The following LDOC1 variants were observed in gnomAD, a reference collection of about 807,000 sequenced individuals.
LDOC1 encodes the protein protein LDOC1.
In LDOC1, 1 loss-of-function variant was observed where a neutral mutation model predicts 4.9. The ratio of observed to expected loss-of-function variants is 0.20; its 90% CI spans 0.07 to 0.96. LDOC1 has a LOEUF of 0.96. Among genes scored for constraint, LDOC1 ranks in the 40% least tolerant of loss-of-function variants. The pLI is 0.62. For synonymous variants in LDOC1, 55 were observed against 58.3 expected (o/e 0.94, Z 0.26); for missense variants, 76 against 128.1 (o/e 0.59, Z 1.96).
chrX:141,176,394 A>T lies in LDOC1; in HGVS notation c.*187T>A. 1 of 551,384 alleles carries T rather than the reference A, an allele frequency of 1.8e-6. No individual in the cohort carries two copies. The highest frequency in any genetic ancestry group is 2.8e-6 in the Non-Finnish European group (1 of 353,975). 45.4% of individuals were successfully genotyped at this position (551,384 alleles called of 1,213,427 possible). A position where few individuals can be genotyped will look rare whatever the true frequency, so the allele number is the denominator to read the frequency against. On this transcript the variant is annotated 3_prime_UTR_variant, in exon 1 of 1. Coordinates refer to ENST00000370526, the MANE Select transcript of LDOC1 (RefSeq NM_012317.4). ...CCAGCCCCGACCCCAGCAGCAGGTA[A>T]CTGGAGCGCTATTCCTGGAACAAAG...
Position 141,173,634 on chromosome X carries a change from G to C in LDOC1, c.*2947C>G, listed in dbSNP as rs944350703. 7 of 111,607 alleles carry C rather than the reference G, an allele frequency of 6.3e-5. No homozygotes were observed. Among genetic ancestry groups the C allele is most frequent in the Non-Finnish European group, 1.1e-4 (6 of 53,209 alleles). 9.2% of individuals were successfully genotyped at this position (111,607 alleles called of 1,213,427 possible). ...ACATCACTTAACACACACACACACA[G>C]AGCACACACATACTGGGTCACAGCA... On this transcript the variant is annotated 3_prime_UTR_variant, in exon 1 of 1. Transcript: ENST00000370526.
chrX:141,176,493 A>G lies in LDOC1; in HGVS notation c.*88T>C, dbSNP rs1556283411. Reference sequence around the variant, plus strand: ...GTAAGGGGACCGGAGGGCAAGGGGGAGAGCAGTGGCTCCTGGCGGGGTGAG... The same window carrying G: ...GTAAGGGGACCGGAGGGCAAGGGGGGGAGCAGTGGCTCCTGGCGGGGTGAG... On this transcript the variant is annotated 3_prime_UTR_variant, in exon 1 of 1. Coordinates refer to ENST00000370526, the MANE Select transcript of LDOC1 (RefSeq NM_012317.4). 7.3e-6 allele frequency: 8 copies of G among 1,096,951 alleles called. No individual in the cohort carries two copies. The African/African-American group carries it at 1.5e-4, about 20-fold the overall frequency. The allele number at this position is 1,096,951 out of a possible 1,213,427, so 90.4% of individuals were successfully genotyped here.
rs2013620633 is a variant in LDOC1 at position 141,176,680 on chromosome X, G to A, written c.342C>T (p.Ile114=). ...VVPYIEMDSP[I]LGDYRAFLDE... ...CGAGGAAGGCCCGGTAATCACCTAG[G>A]ATGGGGCTATCCATCTCGATGTAGG... The change falls in exon 1 of 1, where the codon ATC becomes ATT. Residue 114 remains isoleucine, a synonymous_variant. Transcript: ENST00000370526. The A allele has an allele frequency of 5.8e-6, 7 of 1,212,161 alleles. No individual in the cohort carries two copies. The highest frequency in any genetic ancestry group is 7.8e-6 in the Non-Finnish European group (7 of 895,564).
At position 141,174,185 on chromosome X, in the gene LDOC1, A is replaced by G. The variant is rs781927481; in HGVS notation, c.*2396T>C. On this transcript the variant is annotated 3_prime_UTR_variant, in exon 1 of 1. Coordinates refer to ENST00000370526, the MANE Select transcript of LDOC1 (RefSeq NM_012317.4). The stretch of plus-strand genomic sequence containing the variant: ...ATCTCTCTCTTCCAAGGGGTTTTGT[A>G]TATTTTCCAAGGAGACTGGGAGAAG... Among the ~76,000 whole-genome samples, 3 of 111,606 alleles carry G rather than the reference A, an allele frequency of 2.7e-5. No homozygotes were observed. Among genetic ancestry groups the G allele is most frequent in the African/African-American group, 9.8e-5 (3 of 30,725 alleles).
rs781855022 is a variant in LDOC1, at chrX:141,176,737, G to A, written c.285C>T (p.Leu95=). ...CCCACTCCTCGGCTTCCCCGGTGAG[G>A]AGGCTGATTAGGAATGCCACCTTCA... ...DAMKVAFLIS[L]LTGEAEEWVV... Residue 95 remains leucine, a synonymous_variant, in exon 1 of 1, where the codon CTC becomes CTT. Transcript: ENST00000370526. 3 of 1,212,289 alleles carry A rather than the reference G, an allele frequency of 2.5e-6. No homozygotes were observed. The highest frequency in any genetic ancestry group is 4.3e-5 in the Admixed American group (2 of 46,154).
Position 141,174,760 on chromosome X carries a change from A to G in LDOC1, c.*1821T>C, listed in dbSNP as rs2013599108. ...GTACAAATACAATATCTTGCCTCAA[A>G]AGGCCTTAAACAGTACGGAAATGTG... On this transcript the variant is annotated 3_prime_UTR_variant, in exon 1 of 1. Coordinates refer to ENST00000370526, the MANE Select transcript of LDOC1 (RefSeq NM_012317.4). Among the ~76,000 whole-genome samples the G allele has an allele frequency of 8.9e-6, 1 of 112,528 alleles. No individual in the cohort carries two copies. The highest frequency in any genetic ancestry group is 1.9e-5 in the Non-Finnish European group (1 of 53,329).
Position 141,176,232 on chromosome X carries a change from A to C in LDOC1, c.*349T>G. ...CAGGGCAGGTGGCAGCAGCAGGGCT[A>C]CGGGTGGTCTGCGCAGTTTGTAACA... On this transcript the variant is annotated 3_prime_UTR_variant, in exon 1 of 1. Transcript: ENST00000370526. 2.3e-5 allele frequency: 6 copies of C among 257,595 alleles called. No individual in the cohort carries two copies. Among genetic ancestry groups the C allele is most frequent in the Non-Finnish European group, 2.1e-5 (3 of 143,538 alleles). The allele number at this position is 257,595 out of a possible 1,213,427, so 21.2% of individuals were successfully genotyped here.
rs1442670713 is a variant in LDOC1 at position 141,176,837 on chromosome X, G to A, written c.185C>T (p.Ser62Phe). Residue 62 changes from serine to phenylalanine, a missense_variant, in exon 1 of 1, where the codon TCC (serine) becomes TTC (phenylalanine). Ser to Phe is a radical substitution (Grantham distance 155, BLOSUM62 -2). Coordinates refer to ENST00000370526, the MANE Select transcript of LDOC1 (RefSeq NM_012317.4). ...PFPETFNGES[S>F]RLPEFIVQTA... ...CTGCACGATAAACTCGGGGAGCCGG[G>A]AGCTCTCGCCATTAAACGTTTCGGG... The A allele has an allele frequency of 8.3e-7, 1 of 1,211,913 alleles. No homozygotes were observed. Among genetic ancestry groups the A allele is most frequent in the East Asian group, 3.0e-5 (1 of 33,797 alleles).
At position 141,175,079 on chromosome X, in the gene LDOC1, G is replaced by A. The variant is rs984459867; in HGVS notation, c.*1502C>T. On this transcript the variant is annotated 3_prime_UTR_variant, in exon 1 of 1. Transcript: ENST00000370526. ...GCATAGCCCCTAGATAGCAGTACAA[G>A]GTCTGATTTAAGAGATAACCAAGCA... is the stretch of plus-strand genomic sequence containing the variant. Among the ~76,000 whole-genome samples, 9 of 111,755 alleles carry A rather than the reference G, an allele frequency of 8.1e-5. No homozygotes were observed. Among genetic ancestry groups the A allele is most frequent in the African/African-American group, 2.9e-4 (9 of 30,729 alleles).
Position 141,175,215 on chromosome X carries a change from G to A in LDOC1, c.*1366C>T, listed in dbSNP as rs139662400. Among the ~76,000 whole-genome samples the A allele has an allele frequency of 7.4e-3, 824 of 112,065 alleles. 10 individuals carry two copies. The highest frequency in any genetic ancestry group is 0.026 in the African/African-American group (792 of 30,841). Reference sequence around the variant, plus strand: ...TGTTAAGATCAGGCTATATCTTTATGGGTGCACTTGCCCAGGATCCGGGAC... The same window carrying A: ...TGTTAAGATCAGGCTATATCTTTATAGGTGCACTTGCCCAGGATCCGGGAC... On this transcript the variant is annotated 3_prime_UTR_variant, in exon 1 of 1. Transcript: ENST00000370526.
rs1556282656 is a variant in LDOC1, at chrX:141,173,892, TC to T, written c.*2688del. Among the ~76,000 whole-genome samples the T allele has an allele frequency of 9.0e-6, 1 of 111,544 alleles. No homozygotes were observed. The highest frequency in any genetic ancestry group is 2.8e-4 in the East Asian group (1 of 3,530). On this transcript the variant is annotated 3_prime_UTR_variant, in exon 1 of 1. Coordinates refer to ENST00000370526, the MANE Select transcript of LDOC1 (RefSeq NM_012317.4). ...CTTCCTGGCCCTTTCCTGTAACTAATCATCAAAGTTCTGACCCAGGGCACAG... is the reference window on the plus strand; with the variant it reads ...CTTCCTGGCCCTTTCCTGTAACTAATATCAAAGTTCTGACCCAGGGCACAG...
At position 141,175,134 on chromosome X, in the gene LDOC1, G is replaced by A. The variant is rs782192350; in HGVS notation, c.*1447C>T. Among the ~76,000 whole-genome samples the A allele has an allele frequency of 2.7e-5, 3 of 111,931 alleles. No homozygotes were observed. In the Admixed American group the frequency reaches 2.9e-4, roughly 11 times the overall value. On this transcript the variant is annotated 3_prime_UTR_variant, in exon 1 of 1. Transcript: ENST00000370526. Reference sequence around the variant, plus strand: ...GCTAATTTCCATAGGGAGGAATCTGGGACACATCTATGAGTGGGAATTCTA... The same window carrying A: ...GCTAATTTCCATAGGGAGGAATCTGAGACACATCTATGAGTGGGAATTCTA...
chrX:141,177,016 C>T lies in LDOC1; in HGVS notation c.6G>A (p.Val2=), dbSNP rs2148479518. 1.7e-6 allele frequency: 2 copies of T among 1,202,358 alleles called. No individual in the cohort carries two copies. The highest frequency in any genetic ancestry group is 2.2e-6 in the Non-Finnish European group (2 of 889,400). ...CGTGCAGCAGCAGCACCAACTCATC[C>T]ACCATTGCGAACGGCCTGGAAGGAC... is the stretch of plus-strand genomic sequence containing the variant. M[V]DELVLLLHAL... Residue 2 remains valine, a synonymous_variant, in exon 1 of 1, where the codon GTG becomes GTA. Transcript: ENST00000370526.
chrX:141,176,430 C>A lies in LDOC1; in HGVS notation c.*151G>T, dbSNP rs373818858. The A allele has an allele frequency of 4.3e-6, 3 of 691,477 alleles. No individual in the cohort carries two copies. The South Asian group carries it at 8.7e-5, about 20-fold the overall frequency. The allele number at this position is 691,477 out of a possible 1,213,427, so 57.0% of individuals were successfully genotyped here. On this transcript the variant is annotated 3_prime_UTR_variant, in exon 1 of 1. Coordinates refer to ENST00000370526, the MANE Select transcript of LDOC1 (RefSeq NM_012317.4). ...ATTCCTGGAACAAAGACAAGCACTA[C>A]GGAGAAATGAAGAGAGAGAGCAGAC...
At position 141,176,236 on chromosome X, in the gene LDOC1, G is replaced by A; in HGVS notation, c.*345C>T. On this transcript the variant is annotated 3_prime_UTR_variant, in exon 1 of 1. Transcript: ENST00000370526. ...GCAGGTGGCAGCAGCAGGGCTACGGGTGGTCTGCGCAGTTTGTAACAGGGG... is the reference window on the plus strand; with the variant it reads ...GCAGGTGGCAGCAGCAGGGCTACGGATGGTCTGCGCAGTTTGTAACAGGGG... 1 of 274,114 alleles carries A rather than the reference G, an allele frequency of 3.6e-6. No homozygotes were observed. Among genetic ancestry groups the A allele is most frequent in the Admixed American group, 5.5e-5 (1 of 18,146 alleles). 22.6% of individuals were successfully genotyped at this position (274,114 alleles called of 1,213,427 possible).
At position 141,176,835 on chromosome X, in the gene LDOC1, G is replaced by A. The variant is rs782286173; in HGVS notation, c.187C>T (p.Arg63Trp). The A allele has an allele frequency of 8.3e-7, 1 of 1,210,200 alleles. No individual in the cohort carries two copies. Among genetic ancestry groups the A allele is most frequent in the African/African-American group, 1.7e-5 (1 of 57,309 alleles). ...FPETFNGESSRLPEFIVQTAS... is the reference protein window; with the variant it reads ...FPETFNGESSWLPEFIVQTAS... ...GTCTGCACGATAAACTCGGGGAGCC[G>A]GGAGCTCTCGCCATTAAACGTTTCG... Residue 63 changes from arginine to tryptophan, a missense_variant, in exon 1 of 1, where the codon CGG becomes TGG. Transcript: ENST00000370526.
rs1032026389 is a variant in LDOC1, at chrX:141,176,479, G to A, written c.*102C>T. On this transcript the variant is annotated 3_prime_UTR_variant, in exon 1 of 1. Transcript: ENST00000370526. ...ACGGGCGCGGGTAGGTAAGGGGACC[G>A]GAGGGCAAGGGGGAGAGCAGTGGCT... 4 of 1,044,145 alleles carry A rather than the reference G, an allele frequency of 3.8e-6. No individual in the cohort carries two copies. Among genetic ancestry groups the A allele is most frequent in the African/African-American group, 3.8e-5 (2 of 52,456 alleles). The allele number at this position is 1,044,145 out of a possible 1,213,427, so 86.0% of individuals were successfully genotyped here. A position where few individuals can be genotyped will look rare whatever the true frequency, so the allele number is the denominator to read the frequency against.
rs2013603056 is a variant in LDOC1 at position 141,175,191 on chromosome X, G to A, written c.*1390C>T. 8.9e-6 allele frequency among the ~76,000 whole-genome samples: 1 copy of A among 112,215 alleles called. No homozygotes were observed. Among genetic ancestry groups the A allele is most frequent in the African/African-American group, 3.2e-5 (1 of 30,863 alleles). On this transcript the variant is annotated 3_prime_UTR_variant, in exon 1 of 1. Coordinates refer to ENST00000370526, the MANE Select transcript of LDOC1 (RefSeq NM_012317.4). Reference sequence around the variant, plus strand: ...TCTGTCCAAGGAGAACGAAATGTTTGTTAAGATCAGGCTATATCTTTATGG... The same window carrying A: ...TCTGTCCAAGGAGAACGAAATGTTTATTAAGATCAGGCTATATCTTTATGG...
chrX:141,175,235 C>T lies in LDOC1; in HGVS notation c.*1346G>A, dbSNP rs782772733. Among the ~76,000 whole-genome samples, 43 of 111,684 alleles carry T rather than the reference C, an allele frequency of 3.9e-4. No homozygotes were observed. Among genetic ancestry groups the T allele is most frequent in the African/African-American group, 1.3e-3 (40 of 30,723 alleles). ...TTTATGGGTGCACTTGCCCAGGATC[C>T]GGGACTTAATGTTAGCTGGAGCACC... On this transcript the variant is annotated 3_prime_UTR_variant, in exon 1 of 1. Coordinates refer to ENST00000370526, the MANE Select transcript of LDOC1 (RefSeq NM_012317.4).
Sources: gnomAD v4.1 joint callset for allele counts (sites outside exome capture counted in the v4.1 genomes callset) on GRCh38, gnomAD v4.1.1 for gene constraint, MANE v1.5 for transcripts, NCBI Gene and HGNC (gene_info 2026-07-23, HGNC 2026-07-21) for gene names.